Variants in CNTNAP2 observed in about 807,000 individuals in gnomAD.
CNTNAP2 encodes contactin-associated protein-like 2.
Under a neutral mutation model 155.2 loss-of-function variants are expected in CNTNAP2, and 98 were observed. The observed-to-expected ratio is 0.63, with a 90% CI of 0.54 to 0.75. CNTNAP2 has a LOEUF of 0.75. CNTNAP2 is among the 30% of genes least tolerant of loss of function. The pLI is 0.00. For missense variants in CNTNAP2, 1,727 were observed against 1,688.1 expected (o/e 1.02, Z -0.40); for synonymous variants, 651 against 631.2 (o/e 1.03, Z -0.47).
chr7:147,297,366 A>T (rs375363930), intron 8 of CNTNAP2, among the ~76,000 whole-genome samples: 1 of 152,212 alleles, frequency 6.6e-6, no homozygotes, highest in South Asian at 2.1e-4. Flanking sequence ...AGAGCTTATA[A>T]TCAAGTGATA....
chr7:147,933,128 G>A (rs1052561741), intron 14 of CNTNAP2, among the ~76,000 whole-genome samples: 2 of 151,868 alleles, frequency 1.3e-5, no homozygotes, highest in Non-Finnish European at 2.9e-5. Flanking sequence ...CTCCCAGGCT[G>A]GATGGCTATT....
chr7:146,759,492 G>A (rs1260110856), intron 1 of CNTNAP2, among the ~76,000 whole-genome samples: 1 of 151,896 alleles, frequency 6.6e-6, no homozygotes, highest in Non-Finnish European at 1.5e-5. Context: ...CAGAGATCAA[G>A]ACCATCCTGG....
chr7:146,952,308 C>A (rs1797332649), intron 3 of CNTNAP2, among the ~76,000 whole-genome samples: 1 of 151,998 alleles, frequency 6.6e-6, no homozygotes, highest in African/African-American at 2.4e-5. Flanking sequence ...TATGACAGAC[C>A]CACAGCCAAT....
chr7:146,858,766 C>A (rs946461804), intron 3 of CNTNAP2, among the ~76,000 whole-genome samples: 2 of 152,150 alleles, frequency 1.3e-5, no homozygotes, highest in African/African-American at 4.8e-5. Context: ...GAAAGGTAGT[C>A]ATATTTATAA....
chr7:147,933,407 T>C (rs80308671), intron 14 of CNTNAP2, among the ~76,000 whole-genome samples: 6,388 of 152,060 alleles, frequency 0.042, 163 homozygotes, highest in African/African-American at 0.063. Flanking sequence ...GTAGCCAAGA[T>C]GTGGAAATAA....
chr7:147,278,304 T>C (rs1204998973), intron 8 of CNTNAP2, among the ~76,000 whole-genome samples: 2 of 151,804 alleles, frequency 1.3e-5, no homozygotes. Context: ...TTTCTTTTAA[T>C]ATTAAGCAAT....
intron 14 of CNTNAP2, among the ~76,000 whole-genome samples, chr7:147,936,527 G>A (rs948963906): frequency 6.6e-6 from 1 of 152,098 alleles, no homozygotes; most frequent in African/African-American, 2.4e-5. Flanking sequence ...ATGATAAAGG[G>A]TGCCATTGAG....
At chr7:146,999,323 A>G (rs1238062696) in intron 3 of CNTNAP2, among the ~76,000 whole-genome samples, 4 of 150,416 alleles carry the variant, frequency 2.7e-5, no homozygotes, top group African/African-American at 4.9e-5. Flanking sequence ...TGAATTTTTG[A>G]TGTCACAATT....
At position 148,349,418 on chromosome 7, in the gene CNTNAP2, T is replaced by TTTTG. The variant is rs1798385779; in HGVS notation, c.3476-34230_3476-34229insTTGT. Among the ~76,000 whole-genome samples the TTTTG allele has an allele frequency of 2.0e-5, 3 of 150,916 alleles. No homozygotes were observed. The South Asian group carries it at 6.3e-4, about 32-fold the overall frequency. On this transcript the variant is annotated intron_variant, in intron 21 of 23. Transcript: ENST00000361727. ...CAAAAAAAATCTCTCTTTTTTTTTT[T>TTTTG]TGAGACAGAGTCTCACTCTGTCGCC... is the stretch of plus-strand genomic sequence containing the variant.
At chr7:146,643,465 G>A (rs1799750119) in intron 1 of CNTNAP2, among the ~76,000 whole-genome samples, 1 of 152,114 alleles carries the variant, frequency 6.6e-6, no homozygotes, top group African/African-American at 2.4e-5. Context: ...AGATCAGATA[G>A]TTGTAGATAT....
rs559916902 is a variant in CNTNAP2, at chr7:146,542,807, A to G, written c.98-231464A>G. The stretch of plus-strand genomic sequence containing the variant: ...TTGTTTCTAGGATTTTTCTCTAAAC[A>G]TGTATTAAGTCAAACTTTCTCCAAT... On this transcript the variant is annotated intron_variant, in intron 1 of 23. Coordinates refer to ENST00000361727, the MANE Select transcript of CNTNAP2 (RefSeq NM_014141.6). Among the ~76,000 whole-genome samples the G allele has an allele frequency of 3.9e-5, 6 of 151,954 alleles. 1 individual carries two copies. In the South Asian group the frequency reaches 1.0e-3, roughly 26 times the overall value.
chr7:146,683,128 G>A (rs941159814), intron 1 of CNTNAP2, among the ~76,000 whole-genome samples: 1 of 152,146 alleles, frequency 6.6e-6, no homozygotes, highest in Non-Finnish European at 1.5e-5. Context: ...CCGCCTCCCA[G>A]GTTCAAATGA....
chr7:147,253,872 C>T (rs1279632589), intron 8 of CNTNAP2, among the ~76,000 whole-genome samples: 1 of 152,156 alleles, frequency 6.6e-6, no homozygotes, highest in East Asian at 1.9e-4. Flanking sequence ...GACATAGTAT[C>T]TTATTGGCAA....
intron 10 of CNTNAP2, among the ~76,000 whole-genome samples, chr7:147,399,494 G>A (rs1264444925): frequency 6.6e-6 from 1 of 152,144 alleles, no homozygotes; most frequent in African/African-American, 2.4e-5. Flanking sequence ...TGTGGGGTAT[G>A]AGAGAAATGG....
intron 1 of CNTNAP2, among the ~76,000 whole-genome samples, chr7:146,121,639 G>A (rs1797564642): frequency 6.6e-6 from 1 of 152,016 alleles, no homozygotes; most frequent in African/African-American, 2.4e-5. Context: ...AGCGTATATA[G>A]TAATTTTAAG....
intron 1 of CNTNAP2, among the ~76,000 whole-genome samples, chr7:146,642,350 T>G (rs1331188343): frequency 9.1e-5 from 12 of 131,484 alleles, no homozygotes; most frequent in African/African-American, 3.4e-4. Context: ...GATGTTCCCC[T>G]TCCTGTGTCC....
At chr7:146,454,537 G>C (rs541659558) in intron 1 of CNTNAP2, among the ~76,000 whole-genome samples, 2 of 152,002 alleles carry the variant, frequency 1.3e-5, no homozygotes, top group African/African-American at 4.8e-5. Flanking sequence ...ACGTTAAAAA[G>C]AGGACTTTAT....
chr7:147,489,351 T>C (rs1455633348), intron 11 of CNTNAP2, among the ~76,000 whole-genome samples: 1 of 152,158 alleles, frequency 6.6e-6, no homozygotes, highest in Non-Finnish European at 1.5e-5. Context: ...GATAGTCAGA[T>C]CACAGGAAAG....
intron 21 of CNTNAP2, among the ~76,000 whole-genome samples, chr7:148,337,251 G>A (rs1376211296): frequency 6.6e-6 from 1 of 151,762 alleles, no homozygotes; most frequent in Non-Finnish European, 1.5e-5. Context: ...GAGAGGCATC[G>A]CTCCAGCCTC....
Sources: gnomAD v4.1 joint callset for allele counts (sites outside exome capture counted in the v4.1 genomes callset) on GRCh38, gnomAD v4.1.1 for gene constraint, MANE v1.5 for transcripts, NCBI Gene and HGNC (gene_info 2026-07-23, HGNC 2026-07-21) for gene names.